Variants in BTBD9 observed in about 807,000 individuals in gnomAD.
BTBD9 encodes BTB domain containing 9, also known as BTB/POZ domain-containing protein 9.
A neutral mutation model predicts 64.3 loss-of-function variants in BTBD9; 49 were observed. That is an observed-to-expected ratio of 0.76 (90% CI 0.61 to 0.97). The LOEUF (loss-of-function observed/expected upper bound fraction) is 0.97. BTBD9 is among the 50% of genes least tolerant of loss of function. BTBD9 has a pLI of 0.00. For synonymous variants in BTBD9, 260 were observed against 274.7 expected, an observed-to-expected ratio of 0.95 and a Z score of 0.53; for missense variants, 598 against 762.1, an observed-to-expected ratio of 0.78 and a Z score of 2.53.
intron 9 of BTBD9, among the ~76,000 whole-genome samples, chr6:38,194,695 G>A (rs551490494): frequency 2.0e-4 from 31 of 152,306 alleles, no homozygotes; most frequent in African/African-American, 6.7e-4. Flanking sequence ...AGCCCAGGCA[G>A]TGAGGTCTCG....
intron 6 of BTBD9, among the ~76,000 whole-genome samples, chr6:38,430,684 T>G (rs564914183): frequency 6.6e-6 from 1 of 151,706 alleles, no homozygotes; most frequent in South Asian, 2.1e-4. Context: ...AATTTTTGTT[T>G]TTTAAATTGT....
At chr6:38,439,447 G>C (rs1379468982) in intron 6 of BTBD9, among the ~76,000 whole-genome samples, 1 of 150,078 alleles carries the variant, frequency 6.7e-6, no homozygotes, top group African/African-American at 2.5e-5. Context: ...GTTTGTTTTT[G>C]ACAGAGTCAC....
chr6:38,409,047 C>T (rs9366960), intron 6 of BTBD9, among the ~76,000 whole-genome samples: 56,259 of 151,922 alleles, frequency 0.37, 12,679 homozygotes, highest in East Asian at 0.84. Flanking sequence ...GCCAGGAGTT[C>T]GAGCCCAGCC....
intron 9 of BTBD9, among the ~76,000 whole-genome samples, chr6:38,218,310 T>C (rs375018502): frequency 5.9e-5 from 9 of 152,352 alleles, no homozygotes; most frequent in South Asian, 2.1e-4. Flanking sequence ...CTAAAGCAGA[T>C]TGCGGACAAC....
chr6:38,259,627 C>T (rs1764722391), intron 8 of BTBD9, among the ~76,000 whole-genome samples: 1 of 152,200 alleles, frequency 6.6e-6, no homozygotes, highest in Non-Finnish European at 1.5e-5. Flanking sequence ...CTGTGTTGGC[C>T]AGGCGGGGTC....
At chr6:38,609,053 A>T (rs956272612) in intron 1 of BTBD9, among the ~76,000 whole-genome samples, 9 of 152,224 alleles carry the variant, frequency 5.9e-5, no homozygotes, top group African/African-American at 2.2e-4. Flanking sequence ...ATTGACCAAG[A>T]ATTCTTCCAA....
At position 38,423,267 on chromosome 6, in the gene BTBD9, C is replaced by G. The variant is rs146134993; in HGVS notation, c.1155-78174G>C. 9.9e-5 allele frequency among the ~76,000 whole-genome samples: 15 copies of G among 151,862 alleles called. No individual in the cohort carries two copies. The East Asian group carries it at 1.4e-3, about 14-fold the overall frequency. ...GCAACAGACAGAGACTCTGTCCCCCCCAAAAAATACATAAAATTAAAACCT... is the reference window on the plus strand; with the variant it reads ...GCAACAGACAGAGACTCTGTCCCCCGCAAAAAATACATAAAATTAAAACCT... On this transcript the variant is annotated intron_variant, in intron 6 of 10. Transcript: ENST00000481247.
At position 38,313,509 on chromosome 6, in the gene BTBD9, T is replaced by G. The variant is rs573912017; in HGVS notation, c.1265-25048A>C. 8.5e-5 allele frequency among the ~76,000 whole-genome samples: 13 copies of G among 152,312 alleles called. No individual in the cohort carries two copies. The South Asian group carries it at 2.7e-3, about 32-fold the overall frequency. ...TTTTCCCCATCAGTATGATACTAGC[T>G]GTGGGTCTGTTTTATATGGCTTTTA... On this transcript the variant is annotated intron_variant, in intron 7 of 10. Transcript: ENST00000481247.
chr6:38,237,746 A>G (rs560316799), intron 9 of BTBD9, among the ~76,000 whole-genome samples: 1 of 152,328 alleles, frequency 6.6e-6, no homozygotes, highest in South Asian at 2.1e-4. Flanking sequence ...TTCAAGTGTC[A>G]AGAAAAAATA....
At chr6:38,304,699 A>T (rs1426976244) in intron 7 of BTBD9, among the ~76,000 whole-genome samples, 1 of 152,154 alleles carries the variant, frequency 6.6e-6, no homozygotes, top group Non-Finnish European at 1.5e-5. Context: ...TCAAAGTGCT[A>T]GGACTACAGG....
intron 9 of BTBD9, among the ~76,000 whole-genome samples, chr6:38,225,368 G>A (rs1476649101): frequency 5.3e-5 from 8 of 152,166 alleles, no homozygotes; most frequent in Non-Finnish European, 1.2e-4. Flanking sequence ...AAATGCTCAG[G>A]AGACATTAGA....
In BTBD9 at chr6:38,358,662, G is replaced by A. The variant is rs78451154; in HGVS notation, c.1155-13569C>T. Among the ~76,000 whole-genome samples, 956 of 152,284 alleles carry A rather than the reference G, an allele frequency of 6.3e-3. 12 individuals carry two copies. The highest frequency in any genetic ancestry group is 0.021 in the African/African-American group (884 of 41,558). ...TCCATTTTACTGCTTACTCCAGGGA[G>A]GCCAAAGAAATCCTCTGTTTTTTGT... On this transcript the variant is annotated intron_variant, in intron 6 of 10. Transcript: ENST00000481247.
chr6:38,546,458 C>A (rs1774558827), intron 6 of BTBD9, among the ~76,000 whole-genome samples: 1 of 151,838 alleles, frequency 6.6e-6, no homozygotes, highest in Non-Finnish European at 1.5e-5. Flanking sequence ...TGCAAATATA[C>A]TTCATTCTAT....
intron 6 of BTBD9, among the ~76,000 whole-genome samples, chr6:38,345,322 T>C (rs190451579): frequency 6.6e-5 from 10 of 152,348 alleles, no homozygotes; most frequent in African/African-American, 2.4e-4. Context: ...GGGAATTAAG[T>C]AGAACTTAGA....
chr6:38,252,974 C>T (rs758206301), intron 9 of BTBD9, among the ~76,000 whole-genome samples: 40 of 152,088 alleles, frequency 2.6e-4, no homozygotes, highest in Middle Eastern at 3.2e-3. Context: ...ATTAGCTTGG[C>T]GCAGTGGCAC....
chr6:38,515,886 C>G (rs1435260066), intron 6 of BTBD9, among the ~76,000 whole-genome samples: 1 of 152,202 alleles, frequency 6.6e-6, no homozygotes, highest in Non-Finnish European at 1.5e-5. Context: ...TGTGCACTGT[C>G]TCACAAACAC....
intron 6 of BTBD9, among the ~76,000 whole-genome samples, chr6:38,514,046 G>A (rs1772899847): frequency 6.6e-6 from 1 of 152,166 alleles, no homozygotes; most frequent in South Asian, 2.1e-4. Context: ...GCAGAAGAGG[G>A]AAAGGATTAA....
intron 6 of BTBD9, among the ~76,000 whole-genome samples, chr6:38,349,036 T>C (rs1764396726): frequency 6.6e-6 from 1 of 152,118 alleles, no homozygotes; most frequent in Admixed American, 6.6e-5. Flanking sequence ...GCCTCCCAAG[T>C]AGCTGGGACT....
chr6:38,455,330 C>G (rs996387651), intron 6 of BTBD9, among the ~76,000 whole-genome samples: 4 of 152,124 alleles, frequency 2.6e-5, no homozygotes, highest in Non-Finnish European at 4.4e-5. Context: ...CCATTGCTAT[C>G]ATTTTGCCTC....
Sources: allele counts gnomAD v4.1 joint callset (sites outside exome capture counted in the v4.1 genomes callset), GRCh38; gene constraint gnomAD v4.1.1; transcripts MANE v1.5; gene names NCBI Gene and HGNC (gene_info 2026-07-23, HGNC 2026-07-21).